The following NEK11 variants were observed in gnomAD, a reference collection of about 807,000 sequenced individuals.
The protein encoded by NEK11 is serine/threonine-protein kinase Nek11.
Under a neutral mutation model 80.7 loss-of-function variants are expected in NEK11, and 72 were observed. The ratio of observed to expected loss-of-function variants is 0.89; its 90% CI spans 0.74 to 1.08. The LOEUF (loss-of-function observed/expected upper bound fraction) is 1.08. NEK11 is among the 50% of genes least tolerant of loss of function. The pLI, the probability that NEK11 is intolerant of heterozygous loss-of-function variation, is 0.00. For synonymous variants in NEK11, 251 were observed against 260.7 expected, an observed-to-expected ratio of 0.96 and a Z score of 0.36; for missense variants, 764 against 763.6, an observed-to-expected ratio of 1.00 and a Z score of -0.01.
Position 131,059,662 on chromosome 3 carries a change from TGA to T in NEK11, c.171-20760_171-20759del, listed in dbSNP as rs1470178990. 7.9e-5 allele frequency among the ~76,000 whole-genome samples: 12 copies of T among 152,200 alleles called. No homozygotes were observed. The East Asian group carries it at 2.3e-3, about 29-fold the overall frequency. The stretch of plus-strand genomic sequence containing the variant: ...ACTTGTATCAAAGTATGCACACAAT[TGA>T]CTCCCATTTGCATTGACAGATGATG... On this transcript the variant is annotated intron_variant, in intron 3 of 17. Transcript: ENST00000383366.
At chr3:131,331,718 AG>A (rs1205161001) in intron 17 of NEK11, among the ~76,000 whole-genome samples, 8 of 152,334 alleles carry the variant, frequency 5.3e-5, no homozygotes, top group African/African-American at 1.7e-4. Flanking sequence ...AGTCAAAGAA[AG>A]GGGTGACAGA....
At chr3:131,306,177 T>C (rs1247906907) in intron 17 of NEK11, among the ~76,000 whole-genome samples, 1 of 152,216 alleles carries the variant, frequency 6.6e-6, no homozygotes, top group Non-Finnish European at 1.5e-5. Flanking sequence ...ATAGTTGTTT[T>C]AAATTCCCAG....
chr3:131,184,667 G>C (rs1311615196), intron 14 of NEK11: 1 of 715,190 alleles, frequency 1.4e-6, no homozygotes, highest in Non-Finnish European at 2.0e-6. Flanking sequence ...GTGCATCACT[G>C]TTCATCTATA....
intron 17 of NEK11, among the ~76,000 whole-genome samples, chr3:131,348,908 G>A (rs549933686): frequency 2.6e-5 from 4 of 152,018 alleles, no homozygotes; most frequent in African/African-American, 9.7e-5. Flanking sequence ...AAAAGGACCT[G>A]GCAAGTGGCA....
chr3:131,035,643 C>A (rs1389921460), intron 3 of NEK11, among the ~76,000 whole-genome samples: 1 of 152,118 alleles, frequency 6.6e-6, no homozygotes, highest in African/African-American at 2.4e-5. Context: ...ATCTATAAAC[C>A]ATGATTCCAC....
intron 16 of NEK11, among the ~76,000 whole-genome samples, chr3:131,243,963 T>G (rs2095556887): frequency 6.6e-6 from 1 of 152,222 alleles, no homozygotes; most frequent in Admixed American, 6.5e-5. Flanking sequence ...AGGATTGCTA[T>G]GCTTCAGGGA....
At chr3:131,138,435 T>G (rs2086105985) in intron 7 of NEK11, among the ~76,000 whole-genome samples, 1 of 152,168 alleles carries the variant, frequency 6.6e-6, no homozygotes, top group Non-Finnish European at 1.5e-5. Context: ...TTAACTCTAG[T>G]CCCTGGCTCT....
rs140646709 is a variant in NEK11 at position 131,086,014 on chromosome 3, C to T, written c.336+5426C>T. Among the ~76,000 whole-genome samples, 136 of 152,086 alleles carry T rather than the reference C, an allele frequency of 8.9e-4. 1 individual carries two copies. The highest frequency in any genetic ancestry group is 3.0e-3 in the African/African-American group (126 of 41,458). Reference sequence around the variant, plus strand: ...TTTGGGTTTGTCTAATGTTTTATCACGATTAGATTGAGGTTACATATTCTT... The same window carrying T: ...TTTGGGTTTGTCTAATGTTTTATCATGATTAGATTGAGGTTACATATTCTT... On this transcript the variant is annotated intron_variant, in intron 4 of 17. Coordinates refer to ENST00000383366, the MANE Select transcript of NEK11 (RefSeq NM_024800.5).
chr3:131,216,782 G>A (rs981392746), intron 14 of NEK11, among the ~76,000 whole-genome samples: 1 of 152,214 alleles, frequency 6.6e-6, no homozygotes, highest in Admixed American at 6.5e-5. Flanking sequence ...ACATTGGTTT[G>A]AAACATTTCT....
intron 4 of NEK11, among the ~76,000 whole-genome samples, chr3:131,102,468 G>A (rs560547002): frequency 1.4e-3 from 209 of 152,262 alleles, no homozygotes; most frequent in Admixed American, 4.3e-3. Context: ...ATTCTTGGTT[G>A]AAATTTCTTT....
intron 14 of NEK11, among the ~76,000 whole-genome samples, chr3:131,181,399 G>C (rs2093332752): frequency 6.6e-6 from 1 of 152,210 alleles, no homozygotes; most frequent in African/African-American, 2.4e-5. Context: ...GCCAACAAGT[G>C]TATCTTAGCT....
At chr3:131,059,443 T>C (rs2070380383) in intron 3 of NEK11, among the ~76,000 whole-genome samples, 1 of 152,224 alleles carries the variant, frequency 6.6e-6, no homozygotes, top group African/African-American at 2.4e-5. Context: ...ATTCATATTT[T>C]CCTGAACTTT....
chr3:131,349,344 T>C (rs1239899053), intron 17 of NEK11, among the ~76,000 whole-genome samples: 1 of 152,208 alleles, frequency 6.6e-6, no homozygotes, highest in Admixed American at 6.5e-5. Context: ...TATTCCCAGT[T>C]CCTTGAAGGG....
chr3:131,349,811 C>T lies in NEK11; in HGVS notation c.*35C>T. On this transcript the variant is annotated 3_prime_UTR_variant, in exon 18 of 18. Coordinates refer to ENST00000383366, the MANE Select transcript of NEK11 (RefSeq NM_024800.5). Reference sequence around the variant, plus strand: ...AAAAAGAAGCAGAAGTTCAAGTGGACAAATTTATGTGAAAATTCATTTAAC... The same window carrying T: ...AAAAAGAAGCAGAAGTTCAAGTGGATAAATTTATGTGAAAATTCATTTAAC... 1 of 1,490,606 alleles carries T rather than the reference C, an allele frequency of 6.7e-7. No homozygotes were observed. Among genetic ancestry groups the T allele is most frequent in the Non-Finnish European group, 9.3e-7 (1 of 1,071,932 alleles). 92.3% of individuals were successfully genotyped at this position (1,490,606 alleles called of 1,614,324 possible). A position where few individuals can be genotyped will look rare whatever the true frequency, so the allele number is the denominator to read the frequency against.
chr3:131,076,160 G>A (rs1225612814), intron 3 of NEK11, among the ~76,000 whole-genome samples: 2 of 152,160 alleles, frequency 1.3e-5, no homozygotes, highest in Non-Finnish European at 2.9e-5. Flanking sequence ...CTCCATGGGA[G>A]GCAAGACTCA....
At chr3:131,044,793 C>T (rs2067132267) in intron 3 of NEK11, among the ~76,000 whole-genome samples, 1 of 152,158 alleles carries the variant, frequency 6.6e-6, no homozygotes, top group Admixed American at 6.5e-5. Context: ...CTACAGAACT[C>T]TTCACCCCAA....
intron 14 of NEK11, among the ~76,000 whole-genome samples, chr3:131,212,915 C>A (rs1388004380): frequency 6.6e-6 from 1 of 152,150 alleles, no homozygotes; most frequent in Non-Finnish European, 1.5e-5. Context: ...TATCAGTAGA[C>A]TTTGAGTAAA....
chr3:131,172,942 A>G (rs2092780790), intron 14 of NEK11, among the ~76,000 whole-genome samples: 1 of 152,232 alleles, frequency 6.6e-6, no homozygotes, highest in African/African-American at 2.4e-5. Flanking sequence ...ATTATAATGC[A>G]TTAGCATGCT....
At chr3:131,060,388 C>A (rs190600044) in intron 3 of NEK11, among the ~76,000 whole-genome samples, 1 of 152,298 alleles carries the variant, frequency 6.6e-6, no homozygotes, top group African/African-American at 2.4e-5. Context: ...TTCATCGAGG[C>A]AATTTATCTA....
Sources: gnomAD v4.1 joint callset for allele counts (sites outside exome capture counted in the v4.1 genomes callset) on GRCh38, gnomAD v4.1.1 for gene constraint, MANE v1.5 for transcripts, NCBI Gene and HGNC (gene_info 2026-07-23, HGNC 2026-07-21) for gene names.